The following NOL12 variants were observed in gnomAD, a reference collection of about 807,000 sequenced individuals.
NOL12 encodes the protein nucleolar protein 12.
Under a neutral mutation model 25.2 loss-of-function variants are expected in NOL12, and 21 were observed. That is an observed-to-expected ratio of 0.83 (90% CI 0.59 to 1.20). The LOEUF is 1.20. Among genes scored for constraint, NOL12 ranks in the 50% most tolerant of loss-of-function variants. The probability of loss-of-function intolerance (pLI) is 0.00; values close to 1 mark genes in which losing one functional copy is unlikely to be tolerated. For missense variants in NOL12, 286 were observed against 287.6 expected, an observed-to-expected ratio of 0.99 and a Z score of 0.04; for synonymous variants, 133 against 113.8, an observed-to-expected ratio of 1.17 and a Z score of -1.08.
At position 37,688,840 on chromosome 22, in the gene NOL12, A is replaced by AC; in HGVS notation, c.239-5dup. The AC allele has an allele frequency of 6.2e-7, 1 of 1,613,706 alleles. No individual in the cohort carries two copies. The highest frequency in any genetic ancestry group is 2.2e-5 in the East Asian group (1 of 44,864). ...CGTGACTGAGACCAGGTCTGTGTCC[A>AC]CCCCCACAGAGGAGGCAGATGAGCT... On this transcript the variant is annotated splice_polypyrimidine_tract_variant and intron_variant, in intron 3 of 5. Transcript: ENST00000359114.
Position 37,691,290 on chromosome 22 carries a change from C to T in NOL12, c.596C>T (p.Ala199Val). Reference sequence around the variant, plus strand: ...CCAAGGGCCCCTCGTACCAGCAAGGCCCAGCGCCGCCGTCTCACAGGCAAA... The same window carrying T: ...CCAAGGGCCCCTCGTACCAGCAAGGTCCAGCGCCGCCGTCTCACAGGCAAA... Reference protein sequence around the residue: ...KPPRAPRTSKAQRRRLTGKAR... With the variant: ...KPPRAPRTSKVQRRRLTGKAR... The change falls in exon 6 of 6, where the codon GCC (alanine) becomes GTC (valine). Residue 199 changes from alanine to valine, a missense_variant. Physicochemically the swap from Ala to Val is moderately conservative, Grantham distance 64. Coordinates refer to ENST00000359114, the MANE Select transcript of NOL12 (RefSeq NM_024313.3). 6.2e-7 allele frequency: 1 copy of T among 1,613,822 alleles called. No individual in the cohort carries two copies. The highest frequency in any genetic ancestry group is 8.5e-7 in the Non-Finnish European group (1 of 1,179,868).
At chr22:37,687,140 TG>T in intron 1 of NOL12, 1 of 967,360 alleles carries the variant, frequency 1.0e-6, no homozygotes, top group Non-Finnish European at 1.2e-6. Context: ...CCTGGGGACA[TG>T]GGTGTTGGTC....
chr22:37,689,830 A>T (rs1921988292), intron 4 of NOL12, among the ~76,000 whole-genome samples: 1 of 151,788 alleles, frequency 6.6e-6, no homozygotes, highest in Non-Finnish European at 1.5e-5. Flanking sequence ...GGAGTTTGAG[A>T]CCAGCCTGGC....
chr22:37,688,255 G>A, intron 2 of NOL12, 57 bp from the exon 3 acceptor site: 1 of 1,572,084 alleles, frequency 6.4e-7, no homozygotes, highest in East Asian at 2.2e-5. Context: ...TAATACCCCA[G>A]CCTGAGGTTG....
chr22:37,689,039 C>G (rs1341630180), intron 4 of NOL12, 47 bp downstream of exon 4: 2 of 1,592,756 alleles, frequency 1.3e-6, no homozygotes, highest in African/African-American at 2.7e-5. Context: ...GGGGGCAGAC[C>G]AGCTTGTCAG....
Position 37,687,925 on chromosome 22 carries a change from C to T in NOL12, c.99C>T (p.Gly33=), listed in dbSNP as rs1921894430. 1 of 1,576,484 alleles carries T rather than the reference C, an allele frequency of 6.3e-7. No individual in the cohort carries two copies. Among genetic ancestry groups the T allele is most frequent in the South Asian group, 1.2e-5 (1 of 85,542 alleles). Residue 33 remains glycine, a synonymous_variant, in exon 2 of 6, where the codon GGC becomes GGT. Transcript: ENST00000359114. ...CTTCCTGTAGGGAGTACCTGACAGG[C>T]TTCCACAAGCGGAAGGTCGAGCGAA... ...DEEKRREYLT[G]FHKRKVERKK...
intron 1 of NOL12, 38 bp from the exon 2 acceptor site, chr22:37,687,872 T>A (rs767512892): frequency 1.3e-6 from 2 of 1,493,178 alleles, no homozygotes; most frequent in South Asian, 2.4e-5. Context: ...TCTCCTTGTA[T>A]AATGACTCTC....
rs767529367 is a variant in NOL12 at position 37,687,943 on chromosome 22, C to A, written c.117C>A (p.Val39=). Residue 39 remains valine, a synonymous_variant, in exon 2 of 6, where the codon GTC becomes GTA. Transcript: ENST00000359114. The stretch of plus-strand genomic sequence containing the variant: ...TGACAGGCTTCCACAAGCGGAAGGT[C>A]GAGCGAAAGAAGGCAGCCATTGAGG... ...EYLTGFHKRK[V]ERKKAAIEEI... is the part of the protein sequence containing the mutation. The A allele has an allele frequency of 6.3e-7, 1 of 1,585,212 alleles. No individual in the cohort carries two copies. Among genetic ancestry groups the A allele is most frequent in the South Asian group, 1.2e-5 (1 of 86,346 alleles).
chr22:37,689,433 G>C (rs1469635154), intron 4 of NOL12, among the ~76,000 whole-genome samples: 1 of 152,188 alleles, frequency 6.6e-6, no homozygotes, highest in Non-Finnish European at 1.5e-5. Flanking sequence ...GCCGTTTGTT[G>C]TGATCGTTCC....
Position 37,690,689 on chromosome 22 carries a change from C to T in NOL12, c.382-8C>T, listed in dbSNP as rs369606814. 11 of 1,607,776 alleles carry T rather than the reference C, an allele frequency of 6.8e-6. No homozygotes were observed. In the African/African-American group the frequency reaches 1.1e-4, roughly 16 times the overall value. On this transcript the variant is annotated splice_polypyrimidine_tract_variant and splice_region_variant and intron_variant, in intron 4 of 5. Transcript: ENST00000359114. Reference sequence around the variant, plus strand: ...CTCCATGTAAGTCATTGTCTTGTGCCTCTTTAGGGAGGGGCTGGAGACAGG... The same window carrying T: ...CTCCATGTAAGTCATTGTCTTGTGCTTCTTTAGGGAGGGGCTGGAGACAGG...
chr22:37,687,764 G>A, intron 1 of NOL12, 146 bp from the exon 2 acceptor site: 3 of 592,000 alleles, frequency 5.1e-6, no homozygotes, highest in Non-Finnish European at 9.2e-6. Context: ...GGCCATTGTT[G>A]TGAAGGTTAA....
chr22:37,688,095 G>A (rs1921903029), intron 2 of NOL12, 80 bp downstream of exon 2: 1 of 1,285,942 alleles, frequency 7.8e-7, no homozygotes, highest in East Asian at 2.5e-5. Context: ...AGAGGCAGCT[G>A]CTGGCATGGG....
chr22:37,691,092 T>G, intron 5 of NOL12, 82 bp from the exon 6 acceptor site: 3 of 1,478,646 alleles, frequency 2.0e-6, no homozygotes, highest in Non-Finnish European at 2.7e-6. Context: ...ATTCGCAACC[T>G]GTCCTGACAT....
In NOL12 at chr22:37,692,143, G is replaced by A. The variant is rs1213435666; in HGVS notation, c.*807G>A. 5.7e-6 allele frequency: 1 copy of A among 175,900 alleles called. No individual in the cohort carries two copies. The highest frequency in any genetic ancestry group is 2.4e-5 in the African/African-American group (1 of 42,514). The allele number at this position is 175,900 out of a possible 1,614,324, so 10.9% of individuals were successfully genotyped here. On this transcript the variant is annotated 3_prime_UTR_variant, in exon 6 of 6. Transcript: ENST00000359114. ...AGGCCCAGGCGGGCAGATCACTTAA[G>A]GTCGGGAGCTCGAGACCAGCCTGGC...
intron 5 of NOL12, 62 bp downstream of exon 5, chr22:37,690,856 C>T (rs551748061): frequency 1.6e-6 from 2 of 1,261,864 alleles, no homozygotes; most frequent in East Asian, 2.3e-5. Flanking sequence ...GTGACCTGGC[C>T]CTTAGGGTGG....
At chr22:37,687,133 G>A (rs1396720900) in intron 1 of NOL12, 4 of 974,880 alleles carry the variant, frequency 4.1e-6, no homozygotes, top group Admixed American at 1.2e-4. Context: ...CAGGTGTCCT[G>A]GGGACATGGG....
Position 37,687,936 on chromosome 22 carries a change from G to T in NOL12, c.110G>T (p.Arg37Leu). 1 of 1,583,028 alleles carries T rather than the reference G, an allele frequency of 6.3e-7. No individual in the cohort carries two copies. The highest frequency in any genetic ancestry group is 2.3e-5 in the East Asian group (1 of 43,698). ...RREYLTGFHK[R>L]KVERKKAAIE... Reference sequence around the variant, plus strand: ...GAGTACCTGACAGGCTTCCACAAGCGGAAGGTCGAGCGAAAGAAGGCAGCC... The same window carrying T: ...GAGTACCTGACAGGCTTCCACAAGCTGAAGGTCGAGCGAAAGAAGGCAGCC... Residue 37 changes from arginine to leucine, a missense_variant, in exon 2 of 6, where the codon CGG becomes CTG. Arg to Leu is a moderately radical substitution (Grantham distance 102). Coordinates refer to ENST00000359114, the MANE Select transcript of NOL12 (RefSeq NM_024313.3).
At chr22:37,688,421 T>C (rs1483791328) in intron 3 of NOL12, 61 bp downstream of exon 3, 1 of 1,559,024 alleles carries the variant, frequency 6.4e-7, no homozygotes, top group African/African-American at 1.4e-5. Context: ...ATACCCTTGG[T>C]GGGTGGAAGG....
chr22:37,686,501 C>G lies in NOL12; in HGVS notation c.83+26C>G, dbSNP rs765639486. ...GTGAGTGGCAAAGCCGGACCGGACT[C>G]CCCTCGAGCTGTTCTTCGCGGCCAA... On this transcript the variant is annotated intron_variant, in intron 1 of 5. Transcript: ENST00000359114. 3.8e-6 allele frequency: 6 copies of G among 1,565,534 alleles called. No homozygotes were observed. The South Asian group carries it at 4.7e-5, about 12-fold the overall frequency.
Sources: allele counts gnomAD v4.1 joint callset (sites outside exome capture counted in the v4.1 genomes callset), GRCh38; gene constraint gnomAD v4.1.1; transcripts MANE v1.5; gene names NCBI Gene and HGNC (gene_info 2026-07-23, HGNC 2026-07-21).